Variants in SLC60A1 observed in about 807,000 individuals in gnomAD.
The protein encoded by SLC60A1 is major facilitator superfamily domain containing 4.
the SLC60A1 span, among the ~76,000 whole-genome samples, chr1:205,581,442 C>T: frequency 6.6e-6 from 1 of 152,238 alleles, no homozygotes. This position sits in a 1 kb window ranked among gnomAD's most constrained non-coding sequence, Gnocchi z 4.2. Flanking sequence ...CGTCACATAC[C>T]GAGGCCCGCT....
chr1:205,602,117 TG>T, the SLC60A1 span: 3 of 152,200 alleles, frequency 2.0e-5, no homozygotes, highest in African/African-American at 7.2e-5. Flanking sequence ...CAGTAGCAAA[TG>T]GCTATTAGAG....
the SLC60A1 span, among the ~76,000 whole-genome samples, chr1:205,575,198 A>G: frequency 6.6e-6 from 1 of 152,104 alleles, no homozygotes; most frequent in Non-Finnish European, 1.5e-5. Context: ...TTTGGGGTGG[A>G]TAGGGGCTAG....
the SLC60A1 span, among the ~76,000 whole-genome samples, chr1:205,592,978 A>G: frequency 6.6e-6 from 1 of 152,308 alleles, no homozygotes; most frequent in East Asian, 1.9e-4. Flanking sequence ...GTGGAGGATT[A>G]GAACACAGAT....
the SLC60A1 span, among the ~76,000 whole-genome samples, chr1:205,585,430 C>T: frequency 6.6e-6 from 1 of 152,168 alleles, no homozygotes; most frequent in African/African-American, 2.4e-5. This position sits in a 1 kb window ranked among gnomAD's most constrained non-coding sequence, Gnocchi z 4.2. Flanking sequence ...CCCAGCTGTT[C>T]ATGCCACTAG....
chr1:205,599,140 G>A, the SLC60A1 span: 1 of 1,614,162 alleles, frequency 6.2e-7, no homozygotes, highest in Non-Finnish European at 8.5e-7. Flanking sequence ...GATATTCCAG[G>A]CTCAGGGCAG....
At chr1:205,597,110 G>A in the SLC60A1 span, among the ~76,000 whole-genome samples, 1 of 152,182 alleles carries the variant, frequency 6.6e-6, no homozygotes, top group African/African-American at 2.4e-5. Flanking sequence ...GCACCAGAGG[G>A]CTAGCCTCAG....
At chr1:205,595,214 T>C in the SLC60A1 span, 1 of 152,488 alleles carries the variant, frequency 6.6e-6, no homozygotes. Context: ...TCCAGACTTC[T>C]CTCTCCCTGC....
the SLC60A1 span, chr1:205,586,214 A>G: frequency 6.2e-7 from 1 of 1,612,890 alleles, no homozygotes; most frequent in Non-Finnish European, 8.5e-7. Flanking sequence ...CGTGGTAAGC[A>G]GCTGAATAGC....
chr1:205,584,132 T>A, the SLC60A1 span: 1 of 1,611,428 alleles, frequency 6.2e-7, no homozygotes, highest in Non-Finnish European at 8.5e-7. Context: ...AGGTAGGGGC[T>A]CTAATGAATC....
chr1:205,571,218 A>T, the SLC60A1 span, among the ~76,000 whole-genome samples: 1 of 152,236 alleles, frequency 6.6e-6, no homozygotes, highest in Non-Finnish European at 1.5e-5. Context: ...ATGCATAAGG[A>T]AGTGGAGGCA....
At chr1:205,600,608 TAAA>T in the SLC60A1 span, 6 of 680,128 alleles carry the variant, frequency 8.8e-6, no homozygotes, top group Non-Finnish European at 1.5e-5. Context: ...TAGAGGAAAT[TAAA>T]TTGAGTCCTG....
At chr1:205,598,917 C>A in the SLC60A1 span, 1 of 603,572 alleles carries the variant, frequency 1.7e-6, no homozygotes, top group East Asian at 2.9e-5. Context: ...TCACCAGGTC[C>A]AGTCCCTGCC....
At chr1:205,573,130 G>A in the SLC60A1 span, among the ~76,000 whole-genome samples, 1 of 152,122 alleles carries the variant, frequency 6.6e-6, no homozygotes, top group Non-Finnish European at 1.5e-5. Flanking sequence ...TGGTATATTG[G>A]CCGGGCACAT....
chr1:205,585,315 A>G, the SLC60A1 span, among the ~76,000 whole-genome samples: 11 of 152,150 alleles, frequency 7.2e-5, no homozygotes, highest in Non-Finnish European at 1.3e-4. The surrounding 1 kb of genome is among the most constrained non-coding windows in gnomAD (Gnocchi z 4.2). Flanking sequence ...CTATTCCCCA[A>G]TTAGAGGTCA....
the SLC60A1 span, among the ~76,000 whole-genome samples, chr1:205,581,099 A>G: frequency 5.4e-3 from 821 of 152,326 alleles, 10 homozygotes; most frequent in African/African-American, 0.019. The surrounding 1 kb of genome is among the most constrained non-coding windows in gnomAD (Gnocchi z 4.2). Flanking sequence ...GCACTACTCC[A>G]CCATCCTTCA....
chr1:205,589,187 G>C, the SLC60A1 span, among the ~76,000 whole-genome samples: 4 of 152,176 alleles, frequency 2.6e-5, no homozygotes, highest in Non-Finnish European at 2.9e-5. Context: ...CCAAACCCCG[G>C]CATCTGTCCC....
chr1:205,601,386 A>G, the SLC60A1 span: 1 of 152,190 alleles, frequency 6.6e-6, no homozygotes, highest in Non-Finnish European at 1.5e-5. Flanking sequence ...GGCAAAAGCT[A>G]CAGATCCCGG....
the SLC60A1 span, among the ~76,000 whole-genome samples, chr1:205,580,501 C>G: frequency 6.6e-6 from 1 of 152,182 alleles, no homozygotes; most frequent in Non-Finnish European, 1.5e-5. This position sits in a 1 kb window ranked among gnomAD's most constrained non-coding sequence, Gnocchi z 5.0. Flanking sequence ...GCACCCATGG[C>G]TCCCCATTCC....
the SLC60A1 span, chr1:205,601,275 A>G: frequency 2.6e-5 from 4 of 152,218 alleles, no homozygotes; most frequent in Admixed American, 2.0e-4. Context: ...GAATTACTAT[A>G]TATGATGGTG....
Sources: allele counts gnomAD v4.1 joint callset (sites outside exome capture counted in the v4.1 genomes callset), GRCh38; gene constraint gnomAD v4.1.1; non-coding constraint Gnocchi (gnomAD v3.1); transcripts MANE v1.5; gene names NCBI Gene and HGNC (gene_info 2026-07-23, HGNC 2026-07-21).